The following TNS3 variants were observed in gnomAD, a reference collection of about 807,000 sequenced individuals.
TNS3 encodes tensin 3.
TNS3 carries 45 observed loss-of-function variants against 140.9 expected under a neutral mutation model. The ratio of observed to expected loss-of-function variants is 0.32; its 90% CI spans 0.25 to 0.41. TNS3 has a LOEUF of 0.41. TNS3 is among the 10% of genes least tolerant of loss of function. TNS3 has a pLI of 1.00. For synonymous variants in TNS3, 815 were observed against 788.4 expected (o/e 1.03, Z -0.56); for missense variants, 1,716 against 1,906.7 (o/e 0.90, Z 1.86).
intron 1 of TNS3, among the ~76,000 whole-genome samples, chr7:47,537,158 C>T (rs1433803622): frequency 6.6e-6 from 1 of 151,980 alleles, no homozygotes; most frequent in Non-Finnish European, 1.5e-5. Context: ...CGAGGGTGGC[C>T]GCTGACCCCT....
chr7:47,579,761 G>A, intron 1 of TNS3: 1 of 802,662 alleles, frequency 1.2e-6, no homozygotes, highest in African/African-American at 1.9e-5. Context: ...TTACTCATCT[G>A]TAAAATGGGT....
chr7:47,515,912 A>G (rs1798763847), intron 2 of TNS3, among the ~76,000 whole-genome samples: 1 of 152,206 alleles, frequency 6.6e-6, no homozygotes, highest in Admixed American at 6.5e-5. Flanking sequence ...AATGACTCTA[A>G]GCAGAAAGAG....
intron 16 of TNS3, chr7:47,396,494 G>A: frequency 5.6e-6 from 2 of 355,164 alleles, no homozygotes; most frequent in Non-Finnish European, 1.0e-5. Context: ...GAAGAAGGGG[G>A]AACGGTCCCT....
At chr7:47,485,309 G>C (rs1388863875) in intron 3 of TNS3, among the ~76,000 whole-genome samples, 1 of 152,224 alleles carries the variant, frequency 6.6e-6, no homozygotes. Context: ...ACACGAAACA[G>C]TGCCCTGTCT....
chr7:47,293,000 G>C (rs1785798080), intron 25 of TNS3, 95 bp from the exon 26 acceptor site: 5 of 1,078,788 alleles, frequency 4.6e-6, no homozygotes, highest in East Asian at 2.6e-5. Context: ...GGATGCAAAG[G>C]CTGAGCCCTT....
chr7:47,297,785 G>GT (rs768611066), intron 23 of TNS3, among the ~76,000 whole-genome samples: 6,921 of 136,252 alleles, frequency 0.051, 266 homozygotes, highest in African/African-American at 0.074. Context: ...AAGGAAAGAA[G>GT]TTTTTTTTTT....
chr7:47,316,927 C>T (rs1463126888), intron 20 of TNS3, among the ~76,000 whole-genome samples: 1 of 152,146 alleles, frequency 6.6e-6, no homozygotes, highest in Admixed American at 6.5e-5. Context: ...CACCCCAACA[C>T]TGGAAAAGCA....
chr7:47,399,317 A>G (rs554718038), intron 15 of TNS3, among the ~76,000 whole-genome samples: 8 of 150,334 alleles, frequency 5.3e-5, no homozygotes, highest in African/African-American at 1.5e-4. Flanking sequence ...ACGAAATTGG[A>G]AAAAAAAAAT....
chr7:47,379,186 C>CT (rs1161355988), intron 16 of TNS3, among the ~76,000 whole-genome samples: 1 of 152,152 alleles, frequency 6.6e-6, no homozygotes, highest in Non-Finnish European at 1.5e-5. Flanking sequence ...TACCTGATCC[C>CT]TGGAGGCCTG....
At chr7:47,577,212 G>A (rs1050331318) in intron 1 of TNS3, among the ~76,000 whole-genome samples, 6 of 152,164 alleles carry the variant, frequency 3.9e-5, no homozygotes, top group South Asian at 2.1e-4. Flanking sequence ...ACAGGTTGCC[G>A]CTCGCTTGGG....
intron 3 of TNS3, among the ~76,000 whole-genome samples, chr7:47,501,945 C>T (rs1334250169): frequency 6.6e-6 from 1 of 152,106 alleles, no homozygotes; most frequent in Non-Finnish European, 1.5e-5. Flanking sequence ...ACGCTCAACT[C>T]GTGTTTTAGA....
At chr7:47,366,741 AGG>A (rs1790729741) in intron 17 of TNS3, among the ~76,000 whole-genome samples, 1 of 151,918 alleles carries the variant, frequency 6.6e-6, no homozygotes, top group Admixed American at 6.5e-5. Flanking sequence ...GAACCTGGGC[AGG>A]CCACATAATC....
intron 4 of TNS3, among the ~76,000 whole-genome samples, chr7:47,474,835 GA>G (rs2151758008): frequency 8.5e-6 from 1 of 117,814 alleles, no homozygotes; most frequent in Non-Finnish European, 1.7e-5. Context: ...ACACACGACA[GA>G]CACACCTCAC....
intron 17 of TNS3, among the ~76,000 whole-genome samples, chr7:47,358,683 C>T (rs1790146068): frequency 1.3e-5 from 2 of 152,182 alleles, no homozygotes; most frequent in African/African-American, 2.4e-5. Context: ...CATCCCAGGT[C>T]CTGGCATGAG....
chr7:47,376,111 A>T (rs560591420), intron 16 of TNS3, among the ~76,000 whole-genome samples: 2 of 152,246 alleles, frequency 1.3e-5, no homozygotes, highest in Admixed American at 6.5e-5. Context: ...AGCACTTGCT[A>T]TGATTGCTAG....
At chr7:47,547,460 A>G (rs551302715) in intron 1 of TNS3, among the ~76,000 whole-genome samples, 8 of 152,248 alleles carry the variant, frequency 5.3e-5, no homozygotes, top group African/African-American at 1.9e-4. Context: ...AGCGGCACAC[A>G]CTGGACACGA....
chr7:47,348,554 G>A (rs1244788467), intron 17 of TNS3, among the ~76,000 whole-genome samples: 1 of 152,204 alleles, frequency 6.6e-6, no homozygotes, highest in Non-Finnish European at 1.5e-5. Flanking sequence ...AGTGTTGCAT[G>A]AAGAACACAG....
chr7:47,574,053 C>G (rs1800617425), intron 1 of TNS3, among the ~76,000 whole-genome samples: 1 of 152,180 alleles, frequency 6.6e-6, no homozygotes, highest in Admixed American at 6.5e-5. Context: ...AGAGCCAAAC[C>G]AGAGCGAGCC....
At chr7:47,519,558 G>A (rs1013453728) in intron 2 of TNS3, among the ~76,000 whole-genome samples, 1 of 152,162 alleles carries the variant, frequency 6.6e-6, no homozygotes, top group Non-Finnish European at 1.5e-5. Flanking sequence ...CCACACACAT[G>A]GGTGTGACTG....
Sources: allele counts gnomAD v4.1 joint callset (sites outside exome capture counted in the v4.1 genomes callset), GRCh38; gene constraint gnomAD v4.1.1; transcripts MANE v1.5; gene names NCBI Gene and HGNC (gene_info 2026-07-23, HGNC 2026-07-21).